Variants in CSMD1 observed in about 807,000 individuals in gnomAD.
CSMD1 encodes CUB and Sushi multiple domains 1.
Under a neutral mutation model 417.5 loss-of-function variants are expected in CSMD1, and 213 were observed. That is an observed-to-expected ratio of 0.51 (90% CI 0.46 to 0.57). The LOEUF (loss-of-function observed/expected upper bound fraction) is 0.57, where lower values mean the gene tolerates loss of function less well. Ranked by LOEUF, CSMD1 falls within the 20% of genes least tolerant of loss-of-function variation. The probability of loss-of-function intolerance (pLI) is 0.00; values close to 1 mark genes in which losing one functional copy is unlikely to be tolerated. For missense variants in CSMD1, 6,923 were observed against 4,529.7 expected, an observed-to-expected ratio of 1.53 and a Z score of -15.17; for synonymous variants, 2,862 against 1,736.8, an observed-to-expected ratio of 1.65 and a Z score of -16.11.
At chr8:4,949,157 G>C (rs921476156) in intron 1 of CSMD1, among the ~76,000 whole-genome samples, 2 of 151,982 alleles carry the variant, frequency 1.3e-5, no homozygotes, top group African/African-American at 2.4e-5. Flanking sequence ...GTATTCTTAG[G>C]ATAAACTCAA....
intron 2 of CSMD1, among the ~76,000 whole-genome samples, chr8:4,601,351 C>T (rs1345587091): frequency 1.3e-5 from 2 of 152,114 alleles, no homozygotes; most frequent in South Asian, 2.1e-4. Flanking sequence ...TGGAGCTGTA[C>T]CAGGGCCTCT....
intron 3 of CSMD1, among the ~76,000 whole-genome samples, chr8:4,251,675 G>A (rs1450647758): frequency 1.3e-5 from 2 of 152,142 alleles, no homozygotes; most frequent in African/African-American, 4.8e-5. Context: ...TCTGGGATTG[G>A]TGGGGAGCAA....
intron 3 of CSMD1, among the ~76,000 whole-genome samples, chr8:4,149,591 A>T (rs6996545): frequency 0.029 from 4,358 of 152,316 alleles, 194 homozygotes; most frequent in African/African-American, 0.099. Context: ...ATTTATGCTA[A>T]AAGGGAAATA....
At chr8:4,064,256 C>A (rs551704691) in intron 3 of CSMD1, among the ~76,000 whole-genome samples, 1 of 152,196 alleles carries the variant, frequency 6.6e-6, no homozygotes, top group Non-Finnish European at 1.5e-5. Flanking sequence ...AAATACTTGA[C>A]GTCAGTCTTC....
intron 3 of CSMD1, among the ~76,000 whole-genome samples, chr8:4,272,341 T>C (rs1479333632): frequency 6.6e-6 from 1 of 152,190 alleles, no homozygotes; most frequent in Non-Finnish European, 1.5e-5. Flanking sequence ...AACAAAAGCA[T>C]GTTATTCCAC....
chr8:3,339,869 G>A (rs538649663), intron 23 of CSMD1, among the ~76,000 whole-genome samples: 7 of 152,234 alleles, frequency 4.6e-5, no homozygotes, highest in South Asian at 2.1e-4. Context: ...TACACCAGAA[G>A]CATATTATCT....
At chr8:3,498,137 T>C (rs925044189) in intron 10 of CSMD1, among the ~76,000 whole-genome samples, 4 of 152,360 alleles carry the variant, frequency 2.6e-5, no homozygotes, top group Non-Finnish European at 5.9e-5. Flanking sequence ...TGTTCTCCCC[T>C]AGCCTGTAAC....
At chr8:4,087,458 C>G (rs1046103591) in intron 3 of CSMD1, among the ~76,000 whole-genome samples, 3 of 152,170 alleles carry the variant, frequency 2.0e-5, no homozygotes, top group African/African-American at 4.8e-5. Context: ...AACCACCCAA[C>G]TTCTGTCCCT....
At chr8:3,147,966 G>GATCA (rs1433625790) in intron 40 of CSMD1, among the ~76,000 whole-genome samples, 1 of 152,126 alleles carries the variant, frequency 6.6e-6, no homozygotes, top group Non-Finnish European at 1.5e-5. Flanking sequence ...TTTGCAACCT[G>GATCA]ATCACCAAGA....
intron 11 of CSMD1, among the ~76,000 whole-genome samples, chr8:3,488,572 G>A (rs1009609310): frequency 1.3e-5 from 2 of 152,140 alleles, no homozygotes; most frequent in Non-Finnish European, 2.9e-5. Context: ...TATATGAAAT[G>A]TATATCAGTA....
chr8:4,732,518 A>G (rs949602858), intron 1 of CSMD1, among the ~76,000 whole-genome samples: 1 of 152,114 alleles, frequency 6.6e-6, no homozygotes, highest in Non-Finnish European at 1.5e-5. Context: ...TAACTTTGCC[A>G]AATTCCAGTC....
intron 2 of CSMD1, among the ~76,000 whole-genome samples, chr8:4,529,958 A>C (rs1796711828): frequency 6.6e-6 from 1 of 151,632 alleles, no homozygotes; most frequent in Admixed American, 6.6e-5. Context: ...TTTGTCACCC[A>C]GGCTGGAGTG....
intron 3 of CSMD1, among the ~76,000 whole-genome samples, chr8:4,092,075 G>C (rs183764617): frequency 1.3e-5 from 2 of 152,286 alleles, no homozygotes; most frequent in African/African-American, 2.4e-5. Context: ...GCACTACTTA[G>C]AAGCTTAAGA....
At chr8:3,448,386 GGGAGGAGGAAGGGAA>G in intron 12 of CSMD1, among the ~76,000 whole-genome samples, 1 of 17,774 alleles carries the variant, frequency 5.6e-5, no homozygotes, top group Non-Finnish European at 1.0e-4. Flanking sequence ...AGGGGGAGGA[GGGAGGAGGAAGGGAA>G]GGAAGGAAGG....
At position 4,000,699 on chromosome 8, in the gene CSMD1, TTAA is replaced by T. The variant is rs112053874; in HGVS notation, c.611-2592_611-2590del. 7.6e-3 allele frequency among the ~76,000 whole-genome samples: 1,153 copies of T among 152,226 alleles called. 57 individuals carry two copies. The East Asian group carries it at 0.13, about 17-fold the overall frequency. Reference sequence around the variant, plus strand: ...ACTCTATATAAACATATCACACACATTAATATTTCCAGAGTAATAATTGTTTTT... The same window carrying T: ...ACTCTATATAAACATATCACACACATTATTTCCAGAGTAATAATTGTTTTT... On this transcript the variant is annotated intron_variant, in intron 4 of 69. Transcript: ENST00000635120.
intron 3 of CSMD1, among the ~76,000 whole-genome samples, chr8:4,151,169 G>C (rs1321856407): frequency 3.9e-5 from 6 of 152,160 alleles, no homozygotes; most frequent in African/African-American, 1.2e-4. Context: ...TGAAAGCAAA[G>C]GAATTCAGGC....
At chr8:4,345,668 C>G (rs948300902) in intron 3 of CSMD1, among the ~76,000 whole-genome samples, 5 of 152,076 alleles carry the variant, frequency 3.3e-5, no homozygotes, top group African/African-American at 1.2e-4. Flanking sequence ...AGAGACCTTT[C>G]TCAAGATATG....
At chr8:4,800,249 G>C (rs1245830333) in intron 1 of CSMD1, among the ~76,000 whole-genome samples, 1 of 151,972 alleles carries the variant, frequency 6.6e-6, no homozygotes, top group Non-Finnish European at 1.5e-5. Context: ...GACGAGACTA[G>C]CAAAACCCAA....
At chr8:4,276,780 G>GA (rs1796512789) in intron 3 of CSMD1, among the ~76,000 whole-genome samples, 1 of 152,016 alleles carries the variant, frequency 6.6e-6, no homozygotes, top group Middle Eastern at 3.2e-3. Context: ...ACCCTCAGGG[G>GA]AAAGAAAAAT....
Sources: gnomAD v4.1 joint callset for allele counts (sites outside exome capture counted in the v4.1 genomes callset) on GRCh38, gnomAD v4.1.1 for gene constraint, MANE v1.5 for transcripts, NCBI Gene and HGNC (gene_info 2026-07-23, HGNC 2026-07-21) for gene names.